The following MAGI2 variants were observed in gnomAD, a reference collection of about 807,000 sequenced individuals.
MAGI2 encodes membrane-associated guanylate kinase, WW and PDZ domain-containing protein 2.
A neutral mutation model predicts 133.3 loss-of-function variants in MAGI2; 35 were observed. The ratio of observed to expected loss-of-function variants is 0.26; its 90% CI spans 0.20 to 0.35. MAGI2 has a LOEUF of 0.35. MAGI2 is among the 10% of genes least tolerant of loss of function. The pLI, the probability that MAGI2 is intolerant of heterozygous loss-of-function variation, is 1.00. For missense variants in MAGI2, 1,636 were observed against 1,863.4 expected, an observed-to-expected ratio of 0.88 and a Z score of 2.25; for synonymous variants, 729 against 710.6, an observed-to-expected ratio of 1.03 and a Z score of -0.41.
Position 79,171,770 on chromosome 7 carries a change from A to ATATATATATATATATATTTTTT in MAGI2, c.302-164565_302-164564insAAAAAATATATATATATATATA. Among the ~76,000 whole-genome samples, 28 of 31,200 alleles carry ATATATATATATATATATTTTTT rather than the reference A, an allele frequency of 9.0e-4. 1 individual carries two copies. The highest frequency in any genetic ancestry group is 2.0e-3 in the East Asian group (3 of 1,534). 20.5% of individuals were successfully genotyped at this position (31,200 alleles called of 152,430 possible). On this transcript the variant is annotated intron_variant, in intron 1 of 21. Coordinates refer to ENST00000354212, the MANE Select transcript of MAGI2 (RefSeq NM_012301.4). ...TATATATATATATATATATATATAT[A>ATATATATATATATATATTTTTT]TTTTTTTTTTTTTTTTCTTTTAAAG...
At chr7:78,461,393 C>CGTGTGCGTGTGTGTGTGTGTGTGT (rs1554423797) in intron 6 of MAGI2, among the ~76,000 whole-genome samples, 1 of 138,018 alleles carries the variant, frequency 7.2e-6, no homozygotes, top group Non-Finnish European at 1.6e-5. Flanking sequence ...CGTGTGTGTG[C>CGTGTGCGTGTGTGTGTGTGTGTGT]GTGTGTGTGT....
chr7:79,115,864 T>TG (rs1291003214), intron 1 of MAGI2, among the ~76,000 whole-genome samples: 1 of 148,958 alleles, frequency 6.7e-6, no homozygotes, highest in African/African-American at 2.5e-5. Flanking sequence ...GTTTTTTTTT[T>TG]TTTTTTTTTT....
At chr7:79,290,365 T>C (rs977719858) in intron 1 of MAGI2, among the ~76,000 whole-genome samples, 4 of 147,376 alleles carry the variant, frequency 2.7e-5, no homozygotes, top group Admixed American at 7.0e-5. Flanking sequence ...TATGTATATA[T>C]ATGTACTATG....
intron 1 of MAGI2, among the ~76,000 whole-genome samples, chr7:79,324,734 A>T (rs1463625517): frequency 2.0e-5 from 1 of 49,058 alleles, no homozygotes; most frequent in East Asian, 3.7e-4. Context: ...ATATATATAT[A>T]TTATATATAT....
chr7:79,453,099 C>T lies in MAGI2; in HGVS notation c.222G>A (p.Val74=), dbSNP rs755247468. The change falls in exon 1 of 22, where the codon GTG becomes GTA. Residue 74 remains valine, a synonymous_variant. Coordinates refer to ENST00000354212, the MANE Select transcript of MAGI2 (RefSeq NM_012301.4). ...ELLLEVNETP[V]AGLTIRDVLA... ...GCACGTCCCTGATGGTGAGCCCCGC[C>T]ACGGGGGTCTCGTTCACCTCCAGCA... The T allele has an allele frequency of 5.6e-6, 9 of 1,613,824 alleles. No individual in the cohort carries two copies. The highest frequency in any genetic ancestry group is 7.6e-6 in the Non-Finnish European group (9 of 1,179,980).
intron 1 of MAGI2, among the ~76,000 whole-genome samples, chr7:79,036,201 C>A (rs1413487153): frequency 6.6e-6 from 1 of 152,196 alleles, no homozygotes; most frequent in African/African-American, 2.4e-5. Flanking sequence ...TCACGGATAG[C>A]ATCTCATTTC....
intron 1 of MAGI2, among the ~76,000 whole-genome samples, chr7:79,037,883 G>A (rs1048267275): frequency 1.4e-4 from 21 of 152,188 alleles, no homozygotes; most frequent in Admixed American, 1.2e-3. Flanking sequence ...GAATTTTAAG[G>A]ATTATATCTT....
rs539434534 is a variant in MAGI2, at chr7:79,448,125, T to C, written c.301+4895A>G. Among the ~76,000 whole-genome samples the C allele has an allele frequency of 2.6e-5, 4 of 152,034 alleles. No individual in the cohort carries two copies. In the East Asian group the frequency reaches 7.7e-4, roughly 29 times the overall value. ...ATGCGGTATGAAGAAAACAAATTAC[T>C]ATGTAAAAATAAACTATGTCTAAAG... is the stretch of plus-strand genomic sequence containing the variant. On this transcript the variant is annotated intron_variant, in intron 1 of 21. Coordinates refer to ENST00000354212, the MANE Select transcript of MAGI2 (RefSeq NM_012301.4).
intron 1 of MAGI2, among the ~76,000 whole-genome samples, chr7:79,257,858 T>C (rs893974004): frequency 6.6e-6 from 1 of 152,210 alleles, no homozygotes; most frequent in African/African-American, 2.4e-5. Context: ...TTATTTGTTA[T>C]GTGCAGCAAC....
At chr7:78,321,890 C>G (rs1029562461) in intron 9 of MAGI2, among the ~76,000 whole-genome samples, 1 of 152,246 alleles carries the variant, frequency 6.6e-6, no homozygotes, top group Non-Finnish European at 1.5e-5. Context: ...GGGCTAATAT[C>G]CAGAATCTAC....
At chr7:79,097,063 T>G (rs1033111183) in intron 1 of MAGI2, among the ~76,000 whole-genome samples, 3 of 152,240 alleles carry the variant, frequency 2.0e-5, no homozygotes, top group Non-Finnish European at 2.9e-5. Flanking sequence ...TGTGTTATTA[T>G]TAGTATATTT....
chr7:78,663,309 C>T (rs111522567), intron 2 of MAGI2, among the ~76,000 whole-genome samples: 7,726 of 150,668 alleles, frequency 0.051, 295 homozygotes, highest in East Asian at 0.15. Flanking sequence ...CGGGTTCAAG[C>T]GATTTTCCTG....
At chr7:78,898,965 C>G (rs926706288) in intron 2 of MAGI2, among the ~76,000 whole-genome samples, 1 of 152,016 alleles carries the variant, frequency 6.6e-6, no homozygotes, top group African/African-American at 2.4e-5. Flanking sequence ...ACTCCTCATT[C>G]AATGATGTTG....
At chr7:78,140,276 C>A (rs1822613640) in intron 16 of MAGI2, among the ~76,000 whole-genome samples, 1 of 152,216 alleles carries the variant, frequency 6.6e-6, no homozygotes, top group Non-Finnish European at 1.5e-5. Context: ...TAGATCCCCC[C>A]TTCTCTCCTC....
intron 1 of MAGI2, among the ~76,000 whole-genome samples, chr7:79,102,461 A>G (rs1028764323): frequency 6.6e-6 from 1 of 152,200 alleles, no homozygotes; most frequent in African/African-American, 2.4e-5. Context: ...ACCAAAATCC[A>G]TAACACTTTG....
intron 1 of MAGI2, among the ~76,000 whole-genome samples, chr7:79,123,510 G>T (rs748291032): frequency 1.3e-5 from 2 of 152,102 alleles, no homozygotes; most frequent in Admixed American, 1.3e-4. Flanking sequence ...ATGCAGCCAG[G>T]TGTGATTCCT....
intron 10 of MAGI2, among the ~76,000 whole-genome samples, chr7:78,227,287 G>A (rs1420715351): frequency 6.6e-6 from 1 of 152,146 alleles, no homozygotes; most frequent in African/African-American, 2.4e-5. Flanking sequence ...CATCATCATT[G>A]CTCATTAGAG....
intron 2 of MAGI2, among the ~76,000 whole-genome samples, chr7:78,650,441 T>C (rs1811435697): frequency 6.6e-6 from 1 of 152,144 alleles, no homozygotes; most frequent in African/African-American, 2.4e-5. Flanking sequence ...GGGTCCCATG[T>C]GTCATTTCCA....
intron 1 of MAGI2, among the ~76,000 whole-genome samples, chr7:79,127,202 G>T (rs1037390552): frequency 2.0e-5 from 3 of 152,190 alleles, no homozygotes; most frequent in Non-Finnish European, 4.4e-5. Context: ...GTCTATCATT[G>T]TTGGACATTT....
Sources: gnomAD v4.1 joint callset for allele counts (sites outside exome capture counted in the v4.1 genomes callset) on GRCh38, gnomAD v4.1.1 for gene constraint, MANE v1.5 for transcripts, NCBI Gene and HGNC (gene_info 2026-07-23, HGNC 2026-07-21) for gene names.